The following RELN variants were observed in gnomAD, a reference collection of about 807,000 sequenced individuals.
RELN encodes reelin.
RELN carries 108 observed loss-of-function variants against 427.6 expected under a neutral mutation model. The ratio of observed to expected loss-of-function variants is 0.25; its 90% CI spans 0.22 to 0.30. RELN has a LOEUF of 0.30. Ranked by LOEUF, RELN falls within the 10% of genes least tolerant of loss-of-function variation. RELN has a pLI of 1.00. For missense variants in RELN, 3,715 were observed against 4,302.8 expected (o/e 0.86, Z 3.82); for synonymous variants, 1,524 against 1,513.4 (o/e 1.01, Z -0.16).
At chr7:103,764,606 G>C (rs1791383213) in intron 4 of RELN, among the ~76,000 whole-genome samples, 1 of 151,994 alleles carries the variant, frequency 6.6e-6, no homozygotes, top group African/African-American at 2.4e-5. Flanking sequence ...GGGAGGCTGA[G>C]GCGAGTGGAT....
chr7:103,905,591 C>A (rs73712289), intron 2 of RELN, among the ~76,000 whole-genome samples: 11,508 of 152,234 alleles, frequency 0.076, 569 homozygotes, highest in African/African-American at 0.14. Flanking sequence ...TTACTAAGGG[C>A]AGCTCAAATA....
intron 2 of RELN, among the ~76,000 whole-genome samples, chr7:103,848,194 G>A (rs149170591): frequency 2.6e-5 from 4 of 152,124 alleles, no homozygotes; most frequent in African/African-American, 7.2e-5. Flanking sequence ...CATGCTCAGC[G>A]TGGGTGATCT....
Position 103,486,261 on chromosome 7 carries a change from G to T in RELN, c.9919C>A (p.Leu3307Met), listed in dbSNP as rs771276326. 4.3e-6 allele frequency: 7 copies of T among 1,614,050 alleles called. No homozygotes were observed. Among genetic ancestry groups the T allele is most frequent in the Non-Finnish European group, 5.9e-6 (7 of 1,180,034 alleles). ...CTGATCTGACAGCCATTAAAGTACA[G>T]TGAGTCTCCATGGGCGTAGGGGGCC... ...QLAPYAHGDS[L>M]YFNGCQIRQA... The change falls in exon 61 of 65, where the codon CTG becomes ATG. Residue 3307 changes from leucine to methionine, a missense_variant. Physicochemically the swap from Leu to Met is conservative, Grantham distance 15. Transcript: ENST00000428762.
chr7:103,566,868 C>T lies in RELN; in HGVS notation c.4589-109G>A, dbSNP rs185798847. ...CAACCTCAAATTGTGTCTCCTAGAA[C>T]GAGGGCACATTTGTGTAACTTCCAA... On this transcript the variant is annotated intron_variant, in intron 31 of 64. Coordinates refer to ENST00000428762, the MANE Select transcript of RELN (RefSeq NM_005045.4). 342 of 1,043,712 alleles carry T rather than the reference C, an allele frequency of 3.3e-4. 1 individual carries two copies. In the African/African-American group the frequency reaches 3.9e-3, roughly 12 times the overall value. 64.7% of individuals were successfully genotyped at this position (1,043,712 alleles called of 1,614,324 possible).
chr7:103,910,203 GCT>G (rs1179110052), intron 2 of RELN, among the ~76,000 whole-genome samples: 1 of 130,174 alleles, frequency 7.7e-6, no homozygotes, highest in Non-Finnish European at 1.6e-5. Context: ...TCATGATTTG[GCT>G]CTCTGTTTGT....
chr7:103,695,940 C>T (rs955183355), intron 10 of RELN, among the ~76,000 whole-genome samples: 2 of 152,100 alleles, frequency 1.3e-5, no homozygotes, highest in South Asian at 2.1e-4. Context: ...AAAGATGATG[C>T]CTGTTCCTAA....
chr7:103,483,683 T>C lies in RELN; in HGVS notation c.10151A>G (p.Gln3384Arg). 1.2e-6 allele frequency: 2 copies of C among 1,614,144 alleles called. No homozygotes were observed. The highest frequency in any genetic ancestry group is 1.1e-5 in the South Asian group (1 of 91,076). ...GACATTGTAAGACACTCTCTGAGCT[T>C]GTGTGAAGTCCTTTGGCTGGTGCTG... Reference protein sequence around the residue: ...IAQHQPKDFTQAQRVSYNVPL... With the variant: ...IAQHQPKDFTRAQRVSYNVPL... Residue 3384 changes from glutamine (Q) to arginine (R), a missense_variant, in exon 62 of 65, where the codon CAA becomes CGA. Coordinates refer to ENST00000428762, the MANE Select transcript of RELN (RefSeq NM_005045.4).
rs1451317643 is a variant in RELN at position 103,563,860 on chromosome 7, AG to A, written c.5210+1417del. On this transcript the variant is annotated intron_variant, in intron 34 of 64. Transcript: ENST00000428762. The surrounding 1 kb of genome is among the most constrained non-coding windows in gnomAD (Gnocchi z 4.1). ...TATGTTACAATTGCTTACAGTATTT[AG>A]TATAGCAATATGCTGTACAGCTTTG... is the stretch of plus-strand genomic sequence containing the variant. Among the ~76,000 whole-genome samples, 2 of 152,262 alleles carry A rather than the reference AG, an allele frequency of 1.3e-5. No individual in the cohort carries two copies. Among genetic ancestry groups the A allele is most frequent in the East Asian group, 3.8e-4 (2 of 5,202 alleles).
chr7:103,957,637 TGA>T (rs1796460880), intron 1 of RELN, among the ~76,000 whole-genome samples: 1 of 152,176 alleles, frequency 6.6e-6, no homozygotes, highest in Non-Finnish European at 1.5e-5. Context: ...CAGGACCTGG[TGA>T]TGCCTGCTCA....
intron 3 of RELN, among the ~76,000 whole-genome samples, chr7:103,780,803 T>C (rs1252187315): frequency 6.6e-6 from 1 of 152,194 alleles, no homozygotes; most frequent in African/African-American, 2.4e-5. Flanking sequence ...AGTCTACCAT[T>C]GATGGAGCCC....
chr7:103,755,815 GA>G (rs4006762), intron 4 of RELN, among the ~76,000 whole-genome samples: 81 of 103,630 alleles, frequency 7.8e-4, no homozygotes, highest in East Asian at 4.7e-3. Context: ...TCCACCTCAA[GA>G]AAAAAAAAAA....
intron 2 of RELN, among the ~76,000 whole-genome samples, chr7:103,863,979 C>T (rs1794133217): frequency 6.6e-6 from 1 of 152,096 alleles, no homozygotes; most frequent in Non-Finnish European, 1.5e-5. Context: ...AATAAAGTTA[C>T]ACCCAGCCTG....
chr7:103,856,337 G>A (rs971418007), intron 2 of RELN, among the ~76,000 whole-genome samples: 1 of 151,896 alleles, frequency 6.6e-6, no homozygotes, highest in Admixed American at 6.6e-5. Flanking sequence ...CAGCACTTTG[G>A]GGGGCTGAGG....
At chr7:103,496,945 G>T (rs922987832) in intron 55 of RELN, among the ~76,000 whole-genome samples, 177 bp from the exon 56 acceptor site, 2 of 152,138 alleles carry the variant, frequency 1.3e-5, no homozygotes, top group African/African-American at 2.4e-5. Context: ...TCTGTATGAG[G>T]CTAATGATAT....
rs867557963 is a variant in RELN at position 103,472,813 on chromosome 7, C to T, written c.10382G>A (p.Ter3461=). Residue 3461 remains the stop codon, a stop_retained_variant, in exon 65 of 65, where the codon TGA becomes TAA. Transcript: ENST00000428762. ...AAAAAAAATAAACTTTTTGATTCTTCATGGGTATCGCCTAAGTGACCTTCG... is the reference window on the plus strand; with the variant it reads ...AAAAAAAATAAACTTTTTGATTCTTTATGGGTATCGCCTAAGTGACCTTCG... ...RRRRSLRRYP[*] 1.2e-6 allele frequency: 2 copies of T among 1,612,352 alleles called. No individual in the cohort carries two copies. The highest frequency in any genetic ancestry group is 1.1e-5 in the South Asian group (1 of 91,044).
At chr7:103,763,797 G>A (rs1791360211) in intron 4 of RELN, among the ~76,000 whole-genome samples, 4 of 152,146 alleles carry the variant, frequency 2.6e-5, no homozygotes, top group Admixed American at 2.6e-4. Context: ...GGACAGATCA[G>A]GGAAGTCCTG....
At chr7:103,598,370 C>A (rs1831587897) in intron 24 of RELN, among the ~76,000 whole-genome samples, 1 of 152,104 alleles carries the variant, frequency 6.6e-6, no homozygotes, top group South Asian at 2.1e-4. Flanking sequence ...TAAGTGAGAA[C>A]AACTCAGAGA....
chr7:103,550,987 T>TA (rs1320471069), intron 41 of RELN, 80 bp downstream of exon 41: 1 of 1,171,060 alleles, frequency 8.5e-7, no homozygotes, highest in African/African-American at 1.5e-5. Flanking sequence ...TTCCCCATGA[T>TA]AAAGTGGCAA....
intron 3 of RELN, among the ~76,000 whole-genome samples, chr7:103,819,522 G>T (rs1290951062): frequency 6.6e-6 from 1 of 152,092 alleles, no homozygotes; most frequent in Non-Finnish European, 1.5e-5. Context: ...ATATGGAATT[G>T]AAGTTACAGA....
Sources: gnomAD v4.1 joint callset for allele counts (sites outside exome capture counted in the v4.1 genomes callset) on GRCh38, gnomAD v4.1.1 for gene constraint, Gnocchi (gnomAD v3.1) non-coding constraint, MANE v1.5 for transcripts, NCBI Gene and HGNC (gene_info 2026-07-23, HGNC 2026-07-21) for gene names.